Variants in SESN1 observed in about 807,000 individuals in gnomAD.
The protein encoded by SESN1 is sestrin 1.
A neutral mutation model predicts 59.3 loss-of-function variants in SESN1; 30 were observed. The ratio of observed to expected loss-of-function variants is 0.51; its 90% CI spans 0.38 to 0.69. SESN1 has a LOEUF of 0.69. Among genes scored for constraint, SESN1 ranks in the 30% least tolerant of loss-of-function variants. SESN1 has a pLI of 0.00. For missense variants in SESN1, 566 were observed against 673.0 expected (o/e 0.84, Z 1.76); for synonymous variants, 197 against 219.9 (o/e 0.90, Z 0.92).
intron 1 of SESN1, chr6:109,009,651 G>A (rs1779820000): frequency 1.3e-6 from 1 of 756,794 alleles, no homozygotes; most frequent in Middle Eastern, 6.0e-4. Context: ...ATGCGGGCTC[G>A]CGTCCCCGCA....
rs567055547 is a variant in SESN1 at position 109,001,402 on chromosome 6, C to T, written c.432G>A (p.Thr144=). Residue 144 remains threonine (T), a synonymous_variant, in exon 3 of 10, where the codon ACG becomes ACA. Transcript: ENST00000436639. ...ATTGTGGGTGGAAAACCATCACTAA[C>T]GTAATGTTATCCAAACGGCCCAAAG... ...FAALGRLDNI[T]LVMVFHPQYL... The T allele has an allele frequency of 2.7e-5, 44 of 1,613,738 alleles. No individual in the cohort carries two copies. Among genetic ancestry groups the T allele is most frequent in the East Asian group, 2.5e-4 (11 of 44,862 alleles).
intron 1 of SESN1, among the ~76,000 whole-genome samples, chr6:109,038,162 T>TG (rs1780276119): frequency 6.6e-6 from 1 of 152,196 alleles, no homozygotes; most frequent in Non-Finnish European, 1.5e-5. Context: ...TAGCACTAGT[T>TG]GGAGTCACTG....
At chr6:109,024,411 G>T (rs1227420810) in intron 1 of SESN1, among the ~76,000 whole-genome samples, 1 of 152,124 alleles carries the variant, frequency 6.6e-6, no homozygotes, top group Non-Finnish European at 1.5e-5. Flanking sequence ...ACAGTAGCAG[G>T]AAGCCATTTT....
In SESN1 at chr6:108,987,310, G is replaced by A. The variant is rs1235468693; in HGVS notation, c.*234C>T. ...ACACAGCATCTTGTACTGTCAAAAA[G>A]CAAAATACTGTGAATGGCAGCCTGT... On this transcript the variant is annotated 3_prime_UTR_variant, in exon 10 of 10. Transcript: ENST00000436639. The A allele has an allele frequency of 3.9e-5, 17 of 437,742 alleles. No homozygotes were observed. Among genetic ancestry groups the A allele is most frequent in the Non-Finnish European group, 8.1e-6 (2 of 246,928 alleles). 27.1% of individuals were successfully genotyped at this position (437,742 alleles called of 1,614,324 possible).
intron 1 of SESN1, among the ~76,000 whole-genome samples, chr6:109,024,519 C>T (rs570167002): frequency 6.6e-6 from 1 of 152,340 alleles, no homozygotes; most frequent in African/African-American, 2.4e-5. Context: ...GTGCTTCTTA[C>T]TCATGTTGGA....
Position 108,987,565 on chromosome 6 carries a change from G to A in SESN1, c.1635C>T (p.Ala545=), listed in dbSNP as rs765539976. 1.3e-6 allele frequency: 2 copies of A among 1,598,578 alleles called. No individual in the cohort carries two copies. The highest frequency in any genetic ancestry group is 1.1e-5 in the South Asian group (1 of 90,748). The change falls in exon 10 of 10, where the codon GCC becomes GCT. Residue 545 remains alanine, a synonymous_variant. Transcript: ENST00000436639. ...MQAELLYALR[A]ITRYMT ...GGCATCAGGTCATATAGCGGGTAAT[G>A]GCTCTCAGAGCATAAAGGAGTTCTG...
intron 1 of SESN1, among the ~76,000 whole-genome samples, chr6:109,044,112 C>T (rs1395676253): frequency 6.6e-6 from 1 of 151,258 alleles, no homozygotes; most frequent in African/African-American, 2.4e-5. Flanking sequence ...CCCAGGAGTT[C>T]AAGACCAGCC....
intron 1 of SESN1, among the ~76,000 whole-genome samples, chr6:109,041,203 T>C (rs376451577): frequency 5.3e-5 from 8 of 150,902 alleles, no homozygotes; most frequent in South Asian, 2.1e-4. Flanking sequence ...TCCCAGCTAC[T>C]TGGGGGGCTT....
At chr6:109,067,330 C>T (rs1780846327) in intron 1 of SESN1, among the ~76,000 whole-genome samples, 1 of 152,148 alleles carries the variant, frequency 6.6e-6, no homozygotes, top group African/African-American at 2.4e-5. Context: ...ACAGTGCCCA[C>T]CCTGCTGTCA....
intron 1 of SESN1, among the ~76,000 whole-genome samples, chr6:109,088,460 GA>G (rs940149326): frequency 3.3e-5 from 5 of 151,520 alleles, no homozygotes; most frequent in African/African-American, 1.2e-4. Flanking sequence ...ACCCAGCAAC[GA>G]AAGTTTCATT....
At chr6:109,092,217 T>A (rs1315727456) in intron 1 of SESN1, among the ~76,000 whole-genome samples, 1 of 152,208 alleles carries the variant, frequency 6.6e-6, no homozygotes, top group Non-Finnish European at 1.5e-5. Flanking sequence ...GTACTTTACA[T>A]CTGATTTAAT....
intron 1 of SESN1, among the ~76,000 whole-genome samples, chr6:109,005,299 T>C (rs1334887952): frequency 6.6e-6 from 1 of 152,054 alleles, no homozygotes; most frequent in Non-Finnish European, 1.5e-5. Context: ...TATATTACAA[T>C]AATGGGGAAG....
At chr6:109,073,957 T>C (rs560226509) in intron 1 of SESN1, among the ~76,000 whole-genome samples, 1 of 152,344 alleles carries the variant, frequency 6.6e-6, no homozygotes, top group South Asian at 2.1e-4. Context: ...GCTATTAGTA[T>C]TGGGACATAC....
chr6:109,058,415 C>T (rs1369783156), intron 1 of SESN1, among the ~76,000 whole-genome samples: 1 of 152,112 alleles, frequency 6.6e-6, no homozygotes, highest in Non-Finnish European at 1.5e-5. Context: ...ACCATATAGC[C>T]TACGTGTGCA....
At chr6:108,989,874 G>A (rs1321875841) in intron 8 of SESN1, among the ~76,000 whole-genome samples, 1 of 152,064 alleles carries the variant, frequency 6.6e-6, no homozygotes, top group Non-Finnish European at 1.5e-5. Flanking sequence ...AGTGGAAAGG[G>A]GACAAAGGTC....
At chr6:109,006,425 T>A (rs1349712625) in intron 1 of SESN1, among the ~76,000 whole-genome samples, 1 of 151,612 alleles carries the variant, frequency 6.6e-6, no homozygotes. Context: ...ATTAGGTATA[T>A]CTCCTAATGC....
chr6:109,009,862 C>T (rs948999415), intron 1 of SESN1, among the ~76,000 whole-genome samples: 1 of 152,108 alleles, frequency 6.6e-6, no homozygotes, highest in Non-Finnish European at 1.5e-5. Flanking sequence ...AATCTGCCCC[C>T]TACACCCCTG....
intron 1 of SESN1, among the ~76,000 whole-genome samples, chr6:109,006,049 G>C (rs954808652): frequency 2.0e-5 from 3 of 152,078 alleles, no homozygotes; most frequent in African/African-American, 7.2e-5. Flanking sequence ...AAAGCAACTA[G>C]GGCTCATGAT....
chr6:109,049,297 T>C (rs1295559148), intron 1 of SESN1, among the ~76,000 whole-genome samples: 2 of 151,972 alleles, frequency 1.3e-5, no homozygotes, highest in Non-Finnish European at 2.9e-5. Context: ...CATCGTATGT[T>C]CTCACTCATA....
Sources: gnomAD v4.1 joint callset for allele counts (sites outside exome capture counted in the v4.1 genomes callset) on GRCh38, gnomAD v4.1.1 for gene constraint, MANE v1.5 for transcripts, NCBI Gene and HGNC (gene_info 2026-07-23, HGNC 2026-07-21) for gene names.